The following FAXDC2 variants were observed in gnomAD, a reference collection of about 807,000 sequenced individuals.
FAXDC2 encodes the protein fatty acid hydroxylase domain-containing protein 2.
Under a neutral mutation model 40.9 loss-of-function variants are expected in FAXDC2, and 41 were observed. That is an observed-to-expected ratio of 1.00 (90% CI 0.78 to 1.30). The LOEUF (loss-of-function observed/expected upper bound fraction) is 1.30, where lower values mean the gene tolerates loss of function less well. FAXDC2 is among the 50% of genes most tolerant of loss of function. The pLI is 0.00. For synonymous variants in FAXDC2, 157 were observed against 149.3 expected, an observed-to-expected ratio of 1.05 and a Z score of -0.38; for missense variants, 390 against 408.8, an observed-to-expected ratio of 0.95 and a Z score of 0.40.
At chr5:154,835,534 T>A (rs1041621491) in intron 2 of FAXDC2, among the ~76,000 whole-genome samples, 7 of 152,314 alleles carry the variant, frequency 4.6e-5, no homozygotes, top group African/African-American at 1.7e-4. Flanking sequence ...CCTACCCTCC[T>A]CTTATTTTAG....
intron 2 of FAXDC2, among the ~76,000 whole-genome samples, chr5:154,837,267 G>C (rs532061855): frequency 2.0e-5 from 3 of 151,620 alleles, no homozygotes; most frequent in Admixed American, 2.0e-4. Context: ...GGAGGAACTT[G>C]CTCTTTTTTT....
chr5:154,843,203 T>C (rs746805869), intron 1 of FAXDC2, among the ~76,000 whole-genome samples: 1 of 152,162 alleles, frequency 6.6e-6, no homozygotes, highest in Non-Finnish European at 1.5e-5. Context: ...TTGTTTGCTT[T>C]TCAAGCTTAC....
chr5:154,820,842 A>T (rs935932214), intron 8 of FAXDC2: 1 of 248,318 alleles, frequency 4.0e-6, no homozygotes, highest in African/African-American at 2.3e-5. Context: ...ACCTTAGTTC[A>T]GCATATTTGG....
At chr5:154,843,142 T>C (rs965716857) in intron 1 of FAXDC2, among the ~76,000 whole-genome samples, 1 of 152,236 alleles carries the variant, frequency 6.6e-6, no homozygotes, top group African/African-American at 2.4e-5. Flanking sequence ...GTTGACCCTG[T>C]TGAGATAACC....
In FAXDC2 at chr5:154,818,523, C is replaced by CT. The variant is rs1347961969; in HGVS notation, c.*1792dup. The CT allele has an allele frequency of 6.6e-6, 1 of 152,178 alleles. No homozygotes were observed. Among genetic ancestry groups the CT allele is most frequent in the Non-Finnish European group, 1.5e-5 (1 of 68,036 alleles). 9.4% of individuals were successfully genotyped at this position (152,178 alleles called of 1,614,324 possible). Reference sequence around the variant, plus strand: ...AAGACCAGTTTATTTTACATGCTTGCTTTCACATTCTTTACTGGGAATTTA... The same window carrying CT: ...AAGACCAGTTTATTTTACATGCTTGCTTTTCACATTCTTTACTGGGAATTTA... On this transcript the variant is annotated 3_prime_UTR_variant, in exon 9 of 9. Coordinates refer to ENST00000326080, the MANE Select transcript of FAXDC2 (RefSeq NM_032385.5).
At chr5:154,840,900 A>G (rs930475162) in intron 1 of FAXDC2, among the ~76,000 whole-genome samples, 3 of 152,148 alleles carry the variant, frequency 2.0e-5, no homozygotes. Context: ...GAGAATGGTG[A>G]CCTATAAAGT....
chr5:154,835,176 T>G, intron 2 of FAXDC2: 2 of 443,548 alleles, frequency 4.5e-6, no homozygotes, highest in Non-Finnish European at 4.1e-6. Flanking sequence ...GGAAGGGAAT[T>G]AGCCTGACTC....
At chr5:154,833,573 C>T (rs1405781771) in intron 4 of FAXDC2, among the ~76,000 whole-genome samples, 1 of 151,768 alleles carries the variant, frequency 6.6e-6, no homozygotes, top group East Asian at 1.9e-4. Flanking sequence ...AGGCTGGTCT[C>T]GAACCCCTGA....
intron 5 of FAXDC2, among the ~76,000 whole-genome samples, chr5:154,828,567 A>G (rs955247938): frequency 6.6e-6 from 1 of 151,272 alleles, no homozygotes; most frequent in Non-Finnish European, 1.5e-5. Context: ...GTGTGCATCT[A>G]TAAAACTCTT....
intron 5 of FAXDC2, chr5:154,824,796 CAT>C (rs1311669649): frequency 3.1e-5 from 15 of 484,046 alleles, no homozygotes; most frequent in African/African-American, 5.8e-5. Context: ...AATATAAAAA[CAT>C]ATATATCAGG....
At chr5:154,845,872 G>T (rs1760586963) in intron 1 of FAXDC2, among the ~76,000 whole-genome samples, 1 of 150,286 alleles carries the variant, frequency 6.7e-6, no homozygotes, top group Admixed American at 6.7e-5. Context: ...TGCAACCTCT[G>T]CCTCCCGGGT....
At chr5:154,826,786 A>G (rs1328173665) in intron 5 of FAXDC2, among the ~76,000 whole-genome samples, 1 of 152,080 alleles carries the variant, frequency 6.6e-6, no homozygotes, top group Non-Finnish European at 1.5e-5. Flanking sequence ...ACTTTAGGAG[A>G]GATGCAGGCT....
intron 1 of FAXDC2, among the ~76,000 whole-genome samples, chr5:154,847,487 C>CTTT (rs557543082): frequency 2.1e-4 from 28 of 132,312 alleles, no homozygotes; most frequent in Admixed American, 3.2e-4. Flanking sequence ...TTCTTTCTTT[C>CTTT]TTTTTTTTTT....
chr5:154,823,567 G>A lies in FAXDC2; in HGVS notation c.392C>T (p.Ser131Phe). Reference sequence around the variant, plus strand: ...CTGGTTGAAAAGAACTGTGCGGATAGACTGGCGCAGTTTCACAGGATCCAC... The same window carrying A: ...CTGGTTGAAAAGAACTGTGCGGATAAACTGGCGCAGTTTCACAGGATCCAC... Reference protein sequence around the residue: ...EPVDPVKLRQSIRTVLFNQCM... With the variant: ...EPVDPVKLRQFIRTVLFNQCM... The change falls in exon 6 of 9, where the codon TCT (serine) becomes TTT (phenylalanine). Residue 131 changes from serine (S) to phenylalanine (F), a missense_variant. Transcript: ENST00000326080. 4 of 1,614,170 alleles carry A rather than the reference G, an allele frequency of 2.5e-6. No homozygotes were observed. The highest frequency in any genetic ancestry group is 2.2e-5 in the East Asian group (1 of 44,876).
Position 154,834,925 on chromosome 5 carries a change from T to A in FAXDC2, c.58A>T (p.Ile20Phe). Residue 20 changes from isoleucine to phenylalanine, a missense_variant, in exon 3 of 9, where the codon ATC becomes TTC. By Grantham distance (21) the Ile-to-Phe change is conservative. Coordinates refer to ENST00000326080, the MANE Select transcript of FAXDC2 (RefSeq NM_032385.5). ...HNEKSKQEGH[I>F]WGSMRRTAFI... is the part of the protein sequence containing the mutation. The stretch of plus-strand genomic sequence containing the variant: ...GCTGTCCTCCTCATAGAGCCCCAGA[T>A]GTGTCCCTCCTGGAGGAGGGCAGGG... The A allele has an allele frequency of 3.8e-6, 6 of 1,597,702 alleles. No homozygotes were observed. The highest frequency in any genetic ancestry group is 5.1e-6 in the Non-Finnish European group (6 of 1,170,952).
chr5:154,828,895 C>T (rs1278904283), intron 5 of FAXDC2, among the ~76,000 whole-genome samples: 1 of 150,242 alleles, frequency 6.7e-6, no homozygotes, highest in Non-Finnish European at 1.5e-5. Context: ...GCCACTGTGC[C>T]CCAGCCTGCG....
chr5:154,838,462 G>A, intron 1 of FAXDC2: 1 of 403,402 alleles, frequency 2.5e-6, no homozygotes, highest in Middle Eastern at 7.2e-4. Context: ...TTTTTTAAGA[G>A]ACAGGGTCCC....
chr5:154,838,730 TGG>T (rs1262316740), intron 1 of FAXDC2: 3 of 155,042 alleles, frequency 1.9e-5, no homozygotes, highest in Non-Finnish European at 4.3e-5. Context: ...CCTGAGTAGC[TGG>T]GACTACAGGC....
intron 4 of FAXDC2, chr5:154,831,211 C>A: frequency 4.0e-6 from 1 of 248,094 alleles, no homozygotes; most frequent in Non-Finnish European, 8.0e-6. Flanking sequence ...ATAATACCCT[C>A]TAAAATAGAA....
Sources: allele counts gnomAD v4.1 joint callset (sites outside exome capture counted in the v4.1 genomes callset), GRCh38; gene constraint gnomAD v4.1.1; transcripts MANE v1.5; gene names NCBI Gene and HGNC (gene_info 2026-07-23, HGNC 2026-07-21).